DUSP22: variants seen among roughly 807,000 people sequenced by gnomAD.
The protein encoded by DUSP22 is dual specificity protein phosphatase 22.
DUSP22 carries 24 observed loss-of-function variants against 24.5 expected under a neutral mutation model. The observed-to-expected ratio is 0.98, with a 90% confidence interval of 0.71 to 1.38. The LOEUF (loss-of-function observed/expected upper bound fraction) is 1.38, where lower values mean the gene tolerates loss of function less well. Ranked by LOEUF, DUSP22 falls within the 40% of genes most tolerant of loss-of-function variation. The pLI, the probability that DUSP22 is intolerant of heterozygous loss-of-function variation, is 0.00. For missense variants in DUSP22, 330 were observed against 269.2 expected, an observed-to-expected ratio of 1.23 and a Z score of -1.58; for synonymous variants, 160 against 106.4, an observed-to-expected ratio of 1.50 and a Z score of -3.10.
At chr6:311,028 GC>G (rs1758060548) in intron 2 of DUSP22, among the ~76,000 whole-genome samples, 1 of 152,306 alleles carries the variant, frequency 6.6e-6, no homozygotes. Context: ...CTTGGGGAGT[GC>G]CCCGGAGAGT....
intron 3 of DUSP22, among the ~76,000 whole-genome samples, chr6:321,175 CTG>C (rs1293290364): frequency 6.6e-6 from 1 of 152,298 alleles, no homozygotes; most frequent in Non-Finnish European, 1.5e-5. Flanking sequence ...GTAGAGAAAG[CTG>C]TGTGTGCAGA....
At chr6:306,613 G>A (rs1044909194) in intron 2 of DUSP22, among the ~76,000 whole-genome samples, 5 of 152,300 alleles carry the variant, frequency 3.3e-5, no homozygotes, top group African/African-American at 1.2e-4. Context: ...TTTATTAAAC[G>A]CTTTCCAGGT....
At chr6:341,227 G>A (rs1759593005) in intron 4 of DUSP22, among the ~76,000 whole-genome samples, 1 of 152,306 alleles carries the variant, frequency 6.6e-6, no homozygotes, top group Non-Finnish European at 1.5e-5. Context: ...GGCTCTCTGT[G>A]GACTGAGCCT....
intron 4 of DUSP22, among the ~76,000 whole-genome samples, chr6:337,426 T>A (rs1759405223): frequency 6.6e-6 from 1 of 152,290 alleles, no homozygotes; most frequent in Non-Finnish European, 1.5e-5. Context: ...ACAGAAAAGG[T>A]AGTTGCAATA....
chr6:313,184 C>T (rs1037249378), intron 3 of DUSP22, among the ~76,000 whole-genome samples: 12 of 152,300 alleles, frequency 7.9e-5, no homozygotes, highest in Non-Finnish European at 1.5e-4. Context: ...TTGACTTCCT[C>T]TTAAATCACA....
chr6:323,744 T>C (rs1280821020), intron 3 of DUSP22, among the ~76,000 whole-genome samples: 1 of 152,308 alleles, frequency 6.6e-6, no homozygotes, highest in Non-Finnish European at 1.5e-5. Context: ...CTCTTGGAAA[T>C]TATTCCTAAG....
At chr6:304,871 C>T (rs1409858844) in intron 2 of DUSP22, among the ~76,000 whole-genome samples, 6 of 151,172 alleles carry the variant, frequency 4.0e-5, no homozygotes, top group South Asian at 2.1e-4. Flanking sequence ...CTCCCAGCCC[C>T]GGGCAGCCAC....
At chr6:316,744 C>T (rs1386250856) in intron 3 of DUSP22, among the ~76,000 whole-genome samples, 1 of 152,292 alleles carries the variant, frequency 6.6e-6, no homozygotes, top group African/African-American at 2.4e-5. Flanking sequence ...CTATTTCTCA[C>T]TATTAACAAA....
At chr6:332,809 G>A (rs983625834) in intron 3 of DUSP22, among the ~76,000 whole-genome samples, 1 of 152,304 alleles carries the variant, frequency 6.6e-6, no homozygotes, top group Non-Finnish European at 1.5e-5. Flanking sequence ...GGCACTAGAA[G>A]GGAAGGTGGG....
chr6:324,546 G>A (rs1351100522), intron 3 of DUSP22, among the ~76,000 whole-genome samples: 16 of 152,298 alleles, frequency 1.1e-4, no homozygotes, highest in African/African-American at 9.6e-5. Context: ...CTCCCACCCC[G>A]TGGACGTTCT....
rs1251455386 is a variant in DUSP22 at position 292,516 on chromosome 6, C to T, written c.-24C>T. 1.2e-6 allele frequency: 2 copies of T among 1,604,660 alleles called. No individual in the cohort carries two copies. The highest frequency in any genetic ancestry group is 1.7e-4 in the Middle Eastern group (1 of 6,038). On this transcript the variant is annotated 5_prime_UTR_variant, in exon 1 of 7. Transcript: ENST00000419235. ...TGCGCCTGCGACCACACGGCCGGGGCGCTAGCGTTCGCCTTCAGCCACCAT... is the reference window on the plus strand; with the variant it reads ...TGCGCCTGCGACCACACGGCCGGGGTGCTAGCGTTCGCCTTCAGCCACCAT...
At chr6:322,283 C>T (rs548119562) in intron 3 of DUSP22, among the ~76,000 whole-genome samples, 232 of 152,338 alleles carry the variant, frequency 1.5e-3, no homozygotes, top group Non-Finnish European at 2.6e-3. Context: ...TGGTGTTATG[C>T]AATGGAATTC....
At chr6:302,987 T>C (rs1267668576) in intron 1 of DUSP22, among the ~76,000 whole-genome samples, 2 of 152,308 alleles carry the variant, frequency 1.3e-5, no homozygotes, top group Non-Finnish European at 2.9e-5. Context: ...CTGGACTCGG[T>C]CGGGCAAGGA....
chr6:322,829 G>C (rs1372606903), intron 3 of DUSP22, among the ~76,000 whole-genome samples: 1 of 85,878 alleles, frequency 1.2e-5, no homozygotes, highest in Non-Finnish European at 2.6e-5. Context: ...TGGCTGCTTG[G>C]TGGGGCGGGG....
intron 4 of DUSP22, among the ~76,000 whole-genome samples, chr6:339,525 T>A (rs1409119032): frequency 6.6e-6 from 1 of 152,308 alleles, no homozygotes; most frequent in Admixed American, 6.5e-5. Flanking sequence ...TACTTTGACA[T>A]CATGAAGCAA....
chr6:350,782 T>C lies in DUSP22; in HGVS notation c.*1831T>C, dbSNP rs778346097. The C allele has an allele frequency of 1.9e-6, 3 of 1,614,072 alleles. No homozygotes were observed. The African/African-American group carries it at 4.0e-5, about 22-fold the overall frequency. On this transcript the variant is annotated 3_prime_UTR_variant, in exon 7 of 7. Transcript: ENST00000419235. ...TGTATTCTTGGAGTTCTTGAAATGTTGTTTTAATATTTGTTGCCAGTAATG... is the reference window on the plus strand; with the variant it reads ...TGTATTCTTGGAGTTCTTGAAATGTCGTTTTAATATTTGTTGCCAGTAATG...
intron 2 of DUSP22, among the ~76,000 whole-genome samples, chr6:307,705 A>G (rs1233500665): frequency 2.0e-5 from 3 of 152,308 alleles, no homozygotes; most frequent in Non-Finnish European, 2.9e-5. Flanking sequence ...CGAAGCCCTC[A>G]TTGTTTGAAG....
At chr6:330,563 C>T (rs1172840849) in intron 3 of DUSP22, among the ~76,000 whole-genome samples, 11 of 152,420 alleles carry the variant, frequency 7.2e-5, no homozygotes, top group South Asian at 2.1e-4. Context: ...GACCTGCCTC[C>T]GTATCGTTTT....
intron 3 of DUSP22, among the ~76,000 whole-genome samples, chr6:316,864 A>AG (rs1242934776): frequency 6.6e-6 from 1 of 152,308 alleles, no homozygotes; most frequent in African/African-American, 2.4e-5. Flanking sequence ...GATCAAGTAG[A>AG]GAAAAAATGA....
Sources: gnomAD v4.1 joint callset for allele counts (sites outside exome capture counted in the v4.1 genomes callset) on GRCh38, gnomAD v4.1.1 for gene constraint, MANE v1.5 for transcripts, NCBI Gene and HGNC (gene_info 2026-07-23, HGNC 2026-07-21) for gene names.